GFOD2: variants seen among roughly 807,000 people sequenced by gnomAD.
GFOD2 encodes glucose-fructose oxidoreductase domain-containing protein 2.
Under a neutral mutation model 24.6 loss-of-function variants are expected in GFOD2, and 9 were observed. The ratio of observed to expected loss-of-function variants is 0.37; its 90% CI spans 0.22 to 0.64. The LOEUF is 0.64. Ranked by LOEUF, GFOD2 falls within the 30% of genes least tolerant of loss-of-function variation. GFOD2 has a pLI of 0.65. For synonymous variants in GFOD2, 211 were observed against 224.8 expected (o/e 0.94, Z 0.55); for missense variants, 476 against 532.5 (o/e 0.89, Z 1.04).
chr16:67,690,629 T>C (rs2142994795), intron 1 of GFOD2, among the ~76,000 whole-genome samples: 1 of 152,270 alleles, frequency 6.6e-6, no homozygotes, highest in South Asian at 2.1e-4. Context: ...CTCTGAACTA[T>C]GTTTAACGCA....
chr16:67,691,958 G>A (rs1452195210), intron 1 of GFOD2, among the ~76,000 whole-genome samples: 1 of 152,060 alleles, frequency 6.6e-6, no homozygotes. Flanking sequence ...TGAATAACAA[G>A]TAATCTGGCC....
intron 2 of GFOD2, chr16:67,684,725 G>A (rs1013321301): frequency 1.0e-6 from 1 of 975,162 alleles, no homozygotes; most frequent in Non-Finnish European, 1.2e-6. Flanking sequence ...CTGGCTGAAT[G>A]TTTACTGGTT....
chr16:67,718,083 T>C (rs763257463), intron 1 of GFOD2, among the ~76,000 whole-genome samples: 7 of 152,246 alleles, frequency 4.6e-5, no homozygotes, highest in Non-Finnish European at 1.0e-4. Flanking sequence ...AGTTTCCTTA[T>C]CAAGAATGAA....
At chr16:67,699,488 T>C (rs542251422) in intron 1 of GFOD2, among the ~76,000 whole-genome samples, 1 of 152,218 alleles carries the variant, frequency 6.6e-6, no homozygotes, top group South Asian at 2.1e-4. Flanking sequence ...TTTTTTTGTT[T>C]GTTAGTTTGG....
At chr16:67,691,724 C>T (rs1280106756) in intron 1 of GFOD2, among the ~76,000 whole-genome samples, 1 of 152,074 alleles carries the variant, frequency 6.6e-6, no homozygotes, top group Non-Finnish European at 1.5e-5. Context: ...TCTTTTGTGT[C>T]CTCAGGCCCA....
chr16:67,683,694 G>C (rs2053244680), intron 2 of GFOD2: 1 of 1,230,822 alleles, frequency 8.1e-7, no homozygotes. Flanking sequence ...TACCCACTGA[G>C]CCAGAGGTGA....
chr16:67,693,058 T>G (rs1316687848), intron 1 of GFOD2, among the ~76,000 whole-genome samples: 3 of 150,080 alleles, frequency 2.0e-5, no homozygotes, highest in African/African-American at 4.9e-5. Flanking sequence ...AAAAGGAAAA[T>G]GTGGTTCTAA....
chr16:67,678,486 A>G (rs1567653190), intron 2 of GFOD2, among the ~76,000 whole-genome samples: 1 of 151,800 alleles, frequency 6.6e-6, no homozygotes, highest in Non-Finnish European at 1.5e-5. Flanking sequence ...CAAAAAAAAA[A>G]AAAAAAAAGA....
At chr16:67,709,854 T>C (rs1199608406) in intron 1 of GFOD2, among the ~76,000 whole-genome samples, 1 of 152,162 alleles carries the variant, frequency 6.6e-6, no homozygotes, top group East Asian at 1.9e-4. Context: ...TATTCAACTC[T>C]TGTCCTCAAG....
intron 2 of GFOD2, chr16:67,683,762 AG>A (rs1238563363): frequency 1.6e-6 from 2 of 1,227,088 alleles, no homozygotes; most frequent in Non-Finnish European, 2.0e-6. Context: ...GCAGACCCTG[AG>A]GTTTGCCACC....
chr16:67,705,978 T>A (rs1035605356), intron 1 of GFOD2, among the ~76,000 whole-genome samples: 2 of 127,644 alleles, frequency 1.6e-5, no homozygotes, highest in African/African-American at 6.0e-5. Flanking sequence ...TTCCCTGTGA[T>A]TTTTTTTTTT....
At chr16:67,718,650 C>T (rs2053523219) in intron 1 of GFOD2, among the ~76,000 whole-genome samples, 2 of 152,190 alleles carry the variant, frequency 1.3e-5, no homozygotes, top group African/African-American at 2.4e-5. Flanking sequence ...GGCAGAGCCA[C>T]TCGCACCTTC....
chr16:67,707,014 G>A (rs1042144619), intron 1 of GFOD2, among the ~76,000 whole-genome samples: 9 of 148,492 alleles, frequency 6.1e-5, no homozygotes, highest in African/African-American at 1.0e-4. Context: ...AGCCGAGATC[G>A]CACCACTGCA....
chr16:67,678,497 A>G (rs932493257), intron 2 of GFOD2, among the ~76,000 whole-genome samples: 9 of 151,930 alleles, frequency 5.9e-5, no homozygotes, highest in Non-Finnish European at 1.0e-4. Context: ...AAAAAAAAGA[A>G]AAAGAAAAAG....
At chr16:67,695,222 C>T (rs1016068971) in intron 1 of GFOD2, among the ~76,000 whole-genome samples, 1 of 151,962 alleles carries the variant, frequency 6.6e-6, no homozygotes. Flanking sequence ...GTCTCGAACT[C>T]CTGACCTCAG....
At chr16:67,682,506 T>C (rs2053234590) in intron 2 of GFOD2, 11 of 985,274 alleles carry the variant, frequency 1.1e-5, no homozygotes, top group Non-Finnish European at 1.2e-5. Context: ...GAATAAAATA[T>C]ATTAGGGCCC....
intron 1 of GFOD2, among the ~76,000 whole-genome samples, chr16:67,714,851 C>T (rs2053496775): frequency 1.3e-5 from 2 of 152,114 alleles, no homozygotes; most frequent in African/African-American, 4.8e-5. Flanking sequence ...TATGTTCCCA[C>T]GAATTTCAGG....
In GFOD2 at chr16:67,675,103, C is replaced by T; in HGVS notation, c.*52G>A. On this transcript the variant is annotated 3_prime_UTR_variant, in exon 3 of 3. Transcript: ENST00000268797. ...GCCAAGTCCCTGTCATGTCTGGCTCCTGTTCCCCTCCCTGGTCCCTCTGCC... is the reference window on the plus strand; with the variant it reads ...GCCAAGTCCCTGTCATGTCTGGCTCTTGTTCCCCTCCCTGGTCCCTCTGCC... The T allele has an allele frequency of 1.3e-6, 2 of 1,548,640 alleles. No homozygotes were observed. Among genetic ancestry groups the T allele is most frequent in the Non-Finnish European group, 1.8e-6 (2 of 1,142,364 alleles).
rs569215716 is a variant in GFOD2 at position 67,681,717 on chromosome 16, C to T, written c.259+3740G>A. 77 of 985,200 alleles carry T rather than the reference C, an allele frequency of 7.8e-5. No individual in the cohort carries two copies. In the Middle Eastern group the frequency reaches 2.6e-3, roughly 33 times the overall value. The allele number at this position is 985,200 out of a possible 1,614,324, so 61.0% of individuals were successfully genotyped here. A position where few individuals can be genotyped will look rare whatever the true frequency, so the allele number is the denominator to read the frequency against. On this transcript the variant is annotated intron_variant, in intron 2 of 2. Coordinates refer to ENST00000268797, the MANE Select transcript of GFOD2 (RefSeq NM_030819.4). ...AGGCACTGAGCCCAACCCTGAATAA[C>T]AGCACTCTTAAACTTAGGGCTCAGT...
Sources: allele counts gnomAD v4.1 joint callset (sites outside exome capture counted in the v4.1 genomes callset), GRCh38; gene constraint gnomAD v4.1.1; transcripts MANE v1.5; gene names NCBI Gene and HGNC (gene_info 2026-07-23, HGNC 2026-07-21).